Variants in DTNBP1 observed in about 807,000 individuals in gnomAD.
DTNBP1 encodes the protein dystrobrevin binding protein 1, also known as dysbindin.
In DTNBP1, 35 loss-of-function variants were observed where a neutral mutation model predicts 42.8. The observed-to-expected ratio is 0.82, with a 90% CI of 0.63 to 1.09. The LOEUF is 1.09. Ranked by LOEUF, DTNBP1 falls within the 50% of genes least tolerant of loss-of-function variation. The pLI is 0.00. For synonymous variants in DTNBP1, 171 were observed against 162.2 expected, an observed-to-expected ratio of 1.05 and a Z score of -0.41; for missense variants, 457 against 424.2, an observed-to-expected ratio of 1.08 and a Z score of -0.68.
chr6:15,593,706 A>G (rs1318937068), intron 6 of DTNBP1, among the ~76,000 whole-genome samples: 1 of 152,226 alleles, frequency 6.6e-6, no homozygotes, highest in East Asian at 1.9e-4. Flanking sequence ...ATAGATTAAA[A>G]TAAACATTTT....
At chr6:15,569,353 A>ACCCCC (rs11332178) in intron 7 of DTNBP1, among the ~76,000 whole-genome samples, 332 of 126,944 alleles carry the variant, frequency 2.6e-3, no homozygotes, top group Admixed American at 5.6e-3. Flanking sequence ...GCCAGTTAAG[A>ACCCCC]CCCCCCCCCG....
chr6:15,553,262 A>T (rs1366668404), intron 7 of DTNBP1, among the ~76,000 whole-genome samples: 2 of 152,104 alleles, frequency 1.3e-5, no homozygotes, highest in African/African-American at 4.8e-5. Context: ...GCCAGAAGCC[A>T]GACACAAACA....
intron 7 of DTNBP1, among the ~76,000 whole-genome samples, chr6:15,576,206 C>T (rs1025794239): frequency 2.2e-4 from 34 of 152,070 alleles, no homozygotes; most frequent in Non-Finnish European, 1.2e-4. Flanking sequence ...GCAACCTCCA[C>T]CTCCCGAGTT....
chr6:15,662,764 C>T (rs1581451622), intron 1 of DTNBP1, 50 bp downstream of exon 1: 1 of 1,608,996 alleles, frequency 6.2e-7, no homozygotes, highest in Non-Finnish European at 8.5e-7. Context: ...GCATCCCAGG[C>T]GGCGGCCCGG....
chr6:15,647,932 T>C (rs1182589850), intron 3 of DTNBP1, among the ~76,000 whole-genome samples: 5 of 151,988 alleles, frequency 3.3e-5, no homozygotes, highest in African/African-American at 9.7e-5. Context: ...ATTACCCTGA[T>C]ACCAAAGCCA....
chr6:15,557,533 T>C (rs919726353), intron 7 of DTNBP1, among the ~76,000 whole-genome samples: 4 of 152,198 alleles, frequency 2.6e-5, no homozygotes, highest in Admixed American at 6.5e-5. Flanking sequence ...TCCTACCTTA[T>C]GGTCAAACTG....
chr6:15,640,377 A>G (rs1314794591), intron 3 of DTNBP1, among the ~76,000 whole-genome samples: 2 of 152,188 alleles, frequency 1.3e-5, no homozygotes, highest in Middle Eastern at 3.2e-3. Context: ...TCTGTGTTCA[A>G]ACTCAAACGT....
At chr6:15,554,167 T>C (rs1190049810) in intron 7 of DTNBP1, among the ~76,000 whole-genome samples, 5 of 152,244 alleles carry the variant, frequency 3.3e-5, no homozygotes, top group Non-Finnish European at 7.3e-5. Flanking sequence ...ATCAAGTTTC[T>C]GTCGCTTTGG....
intron 7 of DTNBP1, among the ~76,000 whole-genome samples, chr6:15,574,197 G>A (rs574938299): frequency 2.0e-4 from 30 of 152,340 alleles, no homozygotes; most frequent in African/African-American, 7.2e-4. Flanking sequence ...ATAAATGGAT[G>A]GTTTCCACAA....
intron 6 of DTNBP1, chr6:15,595,122 G>A (rs753865640): frequency 6.6e-6 from 3 of 456,320 alleles, no homozygotes; most frequent in Non-Finnish European, 1.3e-5. Context: ...CTCCACAACT[G>A]TCAGCGAAAT....
intron 7 of DTNBP1, among the ~76,000 whole-genome samples, chr6:15,535,127 C>G (rs1773135711): frequency 6.6e-6 from 1 of 152,066 alleles, no homozygotes; most frequent in South Asian, 2.1e-4. Context: ...CCATGCTGTT[C>G]TCGTGATAGT....
At chr6:15,607,073 T>C (rs1581386402) in intron 6 of DTNBP1, among the ~76,000 whole-genome samples, 1 of 149,772 alleles carries the variant, frequency 6.7e-6, no homozygotes, top group Admixed American at 6.7e-5. Flanking sequence ...TGCAGTGGTG[T>C]GAGCTCAGCT....
intron 7 of DTNBP1, among the ~76,000 whole-genome samples, chr6:15,559,582 C>T (rs1774725053): frequency 6.6e-6 from 1 of 152,160 alleles, no homozygotes; most frequent in Admixed American, 6.5e-5. Context: ...TGGTGGTCTG[C>T]TGCTGGTGTG....
intron 7 of DTNBP1, among the ~76,000 whole-genome samples, chr6:15,576,767 T>A (rs2113551901): frequency 7.7e-6 from 1 of 130,424 alleles, no homozygotes; most frequent in South Asian, 2.5e-4. Context: ...CAACTCTGTC[T>A]CTAAAAAAAA....
At chr6:15,628,398 CTTTTTT>C (rs70996561) in intron 4 of DTNBP1, among the ~76,000 whole-genome samples, 1 of 77,060 alleles carries the variant, frequency 1.3e-5, no homozygotes, top group African/African-American at 5.3e-5. Flanking sequence ...GATTAAGGTT[CTTTTTT>C]TTTTTTTTTT....
chr6:15,614,545 C>T lies in DTNBP1; in HGVS notation c.488+722G>A, dbSNP rs553913644. ...TCTGAGACTGACTCCCCACGGACTT[C>T]AGAAATACCAACCCTGTACCTTCCT... is the stretch of plus-strand genomic sequence containing the variant. On this transcript the variant is annotated intron_variant, in intron 6 of 9. Coordinates refer to ENST00000344537, the MANE Select transcript of DTNBP1 (RefSeq NM_032122.5). 3.9e-5 allele frequency among the ~76,000 whole-genome samples: 6 copies of T among 152,286 alleles called. No homozygotes were observed. In the South Asian group the frequency reaches 1.2e-3, roughly 32 times the overall value.
chr6:15,549,844 AG>A (rs1355151792), intron 7 of DTNBP1, among the ~76,000 whole-genome samples: 1 of 152,234 alleles, frequency 6.6e-6, no homozygotes, highest in Non-Finnish European at 1.5e-5. Context: ...GCATTTTCAT[AG>A]GACACTACAG....
At chr6:15,564,063 C>CG (rs1194809265) in intron 7 of DTNBP1, among the ~76,000 whole-genome samples, 1 of 135,770 alleles carries the variant, frequency 7.4e-6, no homozygotes, top group Non-Finnish European at 1.6e-5. Flanking sequence ...AACTTGGTCT[C>CG]GGAAAAAAAA....
At chr6:15,532,615 CT>C (rs1208263381) in intron 8 of DTNBP1, among the ~76,000 whole-genome samples, 1 of 151,120 alleles carries the variant, frequency 6.6e-6, no homozygotes, top group African/African-American at 2.4e-5. Context: ...CTATTCTGTA[CT>C]GGAGAATTAA....
Sources: allele counts gnomAD v4.1 joint callset (sites outside exome capture counted in the v4.1 genomes callset), GRCh38; gene constraint gnomAD v4.1.1; transcripts MANE v1.5; gene names NCBI Gene and HGNC (gene_info 2026-07-23, HGNC 2026-07-21).